The following SIPA1L3 variants were observed in gnomAD, a reference collection of about 807,000 sequenced individuals.
SIPA1L3 encodes signal induced proliferation associated 1 like 3.
SIPA1L3 carries 59 observed loss-of-function variants against 150.1 expected under a neutral mutation model. The observed-to-expected ratio is 0.39, with a 90% CI of 0.32 to 0.49. SIPA1L3 has a LOEUF of 0.49. SIPA1L3 is among the 20% of genes least tolerant of loss of function. SIPA1L3 has a pLI of 0.86. For synonymous variants in SIPA1L3, 1,070 were observed against 1,077.6 expected (o/e 0.99, Z 0.14); for missense variants, 2,211 against 2,489.5 (o/e 0.89, Z 2.38).
chr19:38,129,269 G>A (rs10413138), intron 9 of SIPA1L3, among the ~76,000 whole-genome samples: 18 of 152,216 alleles, frequency 1.2e-4, no homozygotes, highest in East Asian at 9.7e-4. Context: ...TGCGTGGTCC[G>A]ATCAGCTCCA....
At chr19:38,019,074 T>A (rs888935107) in intron 1 of SIPA1L3, among the ~76,000 whole-genome samples, 1 of 152,172 alleles carries the variant, frequency 6.6e-6, no homozygotes, top group Non-Finnish European at 1.5e-5. Flanking sequence ...CTAGAAGGAT[T>A]TCTTTGGTGT....
intron 2 of SIPA1L3, among the ~76,000 whole-genome samples, chr19:38,053,754 CAG>C (rs1259199128): frequency 6.6e-6 from 1 of 151,738 alleles, no homozygotes; most frequent in East Asian, 2.0e-4. Context: ...TTGGTAGAGA[CAG>C]GGTCTCACTT....
chr19:37,965,677 G>A (rs536022758), intron 1 of SIPA1L3, among the ~76,000 whole-genome samples: 106 of 152,068 alleles, frequency 7.0e-4, no homozygotes, highest in African/African-American at 2.5e-3. Context: ...GAAATGTTGA[G>A]GAAAAGAACA....
chr19:38,184,219 C>G (rs1296533758), intron 16 of SIPA1L3, among the ~76,000 whole-genome samples: 18 of 151,856 alleles, frequency 1.2e-4, no homozygotes, highest in Admixed American at 1.2e-3. Context: ...ATTCTTGTTG[C>G]CCAGGCTGGA....
chr19:38,204,112 C>G lies in SIPA1L3; in HGVS notation c.5121-15C>G, dbSNP rs1346112097. On this transcript the variant is annotated splice_polypyrimidine_tract_variant and intron_variant, in intron 20 of 21. Coordinates refer to ENST00000222345, the MANE Select transcript of SIPA1L3 (RefSeq NM_015073.3). ...CTTTAGGGCCTCAGGCTGACCTTGT[C>G]CCTGGTTTTTCCAGCGAGGAGCCAC... is the stretch of plus-strand genomic sequence containing the variant. 2 of 1,553,314 alleles carry G rather than the reference C, an allele frequency of 1.3e-6. No homozygotes were observed. The highest frequency in any genetic ancestry group is 1.4e-5 in the African/African-American group (1 of 73,080).
chr19:38,151,878 G>T (rs1054328473), intron 12 of SIPA1L3, among the ~76,000 whole-genome samples: 1 of 149,416 alleles, frequency 6.7e-6, no homozygotes, highest in Non-Finnish European at 1.5e-5. Flanking sequence ...TGGGAGGATC[G>T]CTTGAGCCGG....
chr19:38,110,925 C>T (rs892711849), intron 8 of SIPA1L3, among the ~76,000 whole-genome samples: 4 of 148,164 alleles, frequency 2.7e-5, no homozygotes, highest in East Asian at 2.1e-4. Context: ...CCAAGAGGCA[C>T]GAGTGATGGC....
rs115228201 is a variant in SIPA1L3 at position 38,072,032 on chromosome 19, G to A, written c.-310-9224G>A. 3.3e-3 allele frequency among the ~76,000 whole-genome samples: 502 copies of A among 152,320 alleles called. 3 individuals are homozygous for A. The highest frequency in any genetic ancestry group is 0.011 in the African/African-American group (476 of 41,572). On this transcript the variant is annotated intron_variant, in intron 2 of 21. Transcript: ENST00000222345. ...AGCTGGAGATGTTTTCCGCATTGGC[G>A]ACACACGTTTAAATGAGAATCACAG...
At chr19:38,130,397 T>A in intron 9 of SIPA1L3, 101 bp from the exon 10 acceptor site, 5 of 1,237,670 alleles carry the variant, frequency 4.0e-6, no homozygotes, top group Non-Finnish European at 4.5e-6. Context: ...TAGATGGGAG[T>A]TGGCAGGTTT....
intron 13 of SIPA1L3, among the ~76,000 whole-genome samples, chr19:38,158,399 G>A (rs188480890): frequency 8.1e-4 from 123 of 152,318 alleles, no homozygotes; most frequent in African/African-American, 2.7e-3. Flanking sequence ...AGACCCTGAG[G>A]TGGTGGCGAT....
intron 16 of SIPA1L3, 117 bp from the exon 17 acceptor site, chr19:38,192,028 A>C (rs1383859958): frequency 3.3e-6 from 3 of 896,402 alleles, no homozygotes; most frequent in Non-Finnish European, 5.1e-6. Flanking sequence ...TGCTGGGTGA[A>C]GGAGAGAAGG....
chr19:38,179,529 C>CA (rs910433239), intron 15 of SIPA1L3, among the ~76,000 whole-genome samples: 10 of 152,122 alleles, frequency 6.6e-5, no homozygotes, highest in Non-Finnish European at 1.3e-4. Context: ...TTATAATGTG[C>CA]GTCTATCACT....
At chr19:37,921,139 A>T (rs1003722012) in intron 1 of SIPA1L3, among the ~76,000 whole-genome samples, 1 of 152,150 alleles carries the variant, frequency 6.6e-6, no homozygotes, top group African/African-American at 2.4e-5. Context: ...CTCTGGACAA[A>T]AGAAGAAAAA....
chr19:38,093,293 A>G (rs1030479120), intron 4 of SIPA1L3, among the ~76,000 whole-genome samples: 4 of 152,172 alleles, frequency 2.6e-5, no homozygotes, highest in Admixed American at 2.6e-4. Flanking sequence ...GCGAACAGCC[A>G]GTGCAGAGGT....
rs185455378 is a variant in SIPA1L3, at chr19:38,177,104, G to A, written c.4209-5415G>A. Among the ~76,000 whole-genome samples, 110 of 152,240 alleles carry A rather than the reference G, an allele frequency of 7.2e-4. 1 individual carries two copies. The East Asian group carries it at 0.014, about 20-fold the overall frequency. ...GGGCCGGGCGCGGTGGCTCACTCCTGTAATCCTAGCACTTTGGGAGGCCAA... is the reference window on the plus strand; with the variant it reads ...GGGCCGGGCGCGGTGGCTCACTCCTATAATCCTAGCACTTTGGGAGGCCAA... On this transcript the variant is annotated intron_variant, in intron 15 of 21. Transcript: ENST00000222345.
chr19:38,012,345 C>T (rs1247615105), intron 1 of SIPA1L3, among the ~76,000 whole-genome samples: 1 of 152,038 alleles, frequency 6.6e-6, no homozygotes, highest in Non-Finnish European at 1.5e-5. Flanking sequence ...CTCAGTGTCC[C>T]AAAGCCCTGG....
intron 2 of SIPA1L3, among the ~76,000 whole-genome samples, chr19:38,039,103 G>A (rs1414175717): frequency 2.0e-5 from 3 of 151,908 alleles, no homozygotes; most frequent in African/African-American, 7.3e-5. Context: ...GGGTGGTCTC[G>A]AACTCCTGAG....
At chr19:37,933,922 A>G (rs1447219078) in intron 1 of SIPA1L3, among the ~76,000 whole-genome samples, 1 of 152,098 alleles carries the variant, frequency 6.6e-6, no homozygotes, top group African/African-American at 2.4e-5. Context: ...CACACATCTC[A>G]TATGTATCTC....
chr19:38,066,002 A>T (rs1454944112), intron 2 of SIPA1L3, among the ~76,000 whole-genome samples: 2 of 128,844 alleles, frequency 1.6e-5, no homozygotes, highest in African/African-American at 2.7e-5. Context: ...TTATTTATTT[A>T]TTTATTTATT....
Sources: allele counts gnomAD v4.1 joint callset (sites outside exome capture counted in the v4.1 genomes callset), GRCh38; gene constraint gnomAD v4.1.1; transcripts MANE v1.5; gene names NCBI Gene and HGNC (gene_info 2026-07-23, HGNC 2026-07-21).